NLGN1: variants seen among roughly 807,000 people sequenced by gnomAD.
NLGN1 encodes the protein neuroligin-1.
NLGN1 carries 12 observed loss-of-function variants against 65.5 expected under a neutral mutation model. That is an observed-to-expected ratio of 0.18 (90% CI 0.12 to 0.30). NLGN1 has a LOEUF of 0.30. Ranked by LOEUF, NLGN1 falls within the 10% of genes least tolerant of loss-of-function variation. The probability of loss-of-function intolerance (pLI) is 1.00; values close to 1 mark genes in which losing one functional copy is unlikely to be tolerated. For synonymous variants in NLGN1, 350 were observed against 359.5 expected (o/e 0.97, Z 0.30); for missense variants, 750 against 1,007.1 (o/e 0.74, Z 3.46).
intron 1 of NLGN1, among the ~76,000 whole-genome samples, chr3:173,427,011 G>C (rs1459807067): frequency 1.3e-5 from 2 of 151,802 alleles, no homozygotes; most frequent in Non-Finnish European, 2.9e-5. Context: ...TTACTTAATG[G>C]GCTGTCCAGT....
intron 4 of NLGN1, among the ~76,000 whole-genome samples, chr3:174,109,237 A>G (rs1340963686): frequency 6.6e-6 from 1 of 152,006 alleles, no homozygotes; most frequent in Non-Finnish European, 1.5e-5. Flanking sequence ...ATACTTTTGT[A>G]GTGATTTCTC....
chr3:173,941,868 A>G (rs1190472361), intron 4 of NLGN1, among the ~76,000 whole-genome samples: 1 of 151,828 alleles, frequency 6.6e-6, no homozygotes, highest in African/African-American at 2.4e-5. Flanking sequence ...ATCACATGCC[A>G]TCATGAGCTT....
chr3:173,598,794 G>A (rs542907482), intron 2 of NLGN1, among the ~76,000 whole-genome samples: 5 of 152,238 alleles, frequency 3.3e-5, no homozygotes, highest in Middle Eastern at 3.4e-3. Flanking sequence ...GAAGTTTCCT[G>A]GGATGTGCCA....
chr3:173,998,805 A>G (rs1402431790), intron 4 of NLGN1, among the ~76,000 whole-genome samples: 2 of 152,194 alleles, frequency 1.3e-5, no homozygotes, highest in Non-Finnish European at 2.9e-5. Flanking sequence ...CAAAGCTATC[A>G]ACCCCTGAAA....
At chr3:173,561,898 G>T (rs1742796834) in intron 2 of NLGN1, among the ~76,000 whole-genome samples, 1 of 152,156 alleles carries the variant, frequency 6.6e-6, no homozygotes, top group African/African-American at 2.4e-5. Context: ...TCTGCTGAAG[G>T]CTCGAAAACA....
At chr3:173,931,975 C>G (rs1013507877) in intron 4 of NLGN1, among the ~76,000 whole-genome samples, 1 of 152,038 alleles carries the variant, frequency 6.6e-6, no homozygotes, top group Non-Finnish European at 1.5e-5. Flanking sequence ...ATTAAGATGA[C>G]TTTAAGGTGT....
intron 3 of NLGN1, among the ~76,000 whole-genome samples, chr3:173,787,509 A>G (rs953499903): frequency 2.0e-5 from 3 of 152,214 alleles, no homozygotes; most frequent in Admixed American, 1.3e-4. Context: ...AGTATTAAAT[A>G]TGGTATCTTT....
chr3:173,468,062 T>C (rs1431086747), intron 2 of NLGN1, among the ~76,000 whole-genome samples: 3 of 152,164 alleles, frequency 2.0e-5, no homozygotes, highest in African/African-American at 7.2e-5. Context: ...CATACTATAC[T>C]GGTTCATGAT....
intron 4 of NLGN1, among the ~76,000 whole-genome samples, chr3:174,184,044 A>G (rs921436179): frequency 2.0e-5 from 3 of 152,214 alleles, no homozygotes; most frequent in African/African-American, 7.2e-5. Context: ...CCCACAACTC[A>G]TAAGAAAGCC....
At chr3:173,952,635 C>T (rs1483270895) in intron 4 of NLGN1, among the ~76,000 whole-genome samples, 2 of 152,096 alleles carry the variant, frequency 1.3e-5, no homozygotes, top group African/African-American at 4.8e-5. Flanking sequence ...TTTCAGAAAT[C>T]AGTCTATATG....
intron 4 of NLGN1, among the ~76,000 whole-genome samples, chr3:173,900,153 G>A (rs1737067588): frequency 1.3e-5 from 2 of 152,010 alleles, no homozygotes; most frequent in Admixed American, 1.3e-4. Context: ...AAAATAAAAA[G>A]AACTTATAAT....
At chr3:174,150,882 A>G (rs1229875571) in intron 4 of NLGN1, among the ~76,000 whole-genome samples, 2 of 152,096 alleles carry the variant, frequency 1.3e-5, no homozygotes, top group Non-Finnish European at 2.9e-5. Context: ...GTCCTGTAGC[A>G]TGCTGGTCAT....
chr3:173,671,346 A>G (rs1284960847), intron 3 of NLGN1, among the ~76,000 whole-genome samples: 1 of 152,096 alleles, frequency 6.6e-6, no homozygotes, highest in Non-Finnish European at 1.5e-5. Context: ...CATGAAATAT[A>G]AAAAATTAGT....
At chr3:174,239,114 A>G (rs1183068799) in intron 4 of NLGN1, among the ~76,000 whole-genome samples, 1 of 151,490 alleles carries the variant, frequency 6.6e-6, no homozygotes, top group Non-Finnish European at 1.5e-5. Flanking sequence ...CTTGTCACCC[A>G]GGCTGGAGTG....
intron 1 of NLGN1, among the ~76,000 whole-genome samples, chr3:173,418,455 T>C (rs1477691453): frequency 6.6e-6 from 1 of 152,154 alleles, no homozygotes; most frequent in East Asian, 1.9e-4. Context: ...ATAAAGGTCA[T>C]AGCCCAGTGA....
At chr3:173,865,223 T>C (rs1216502256) in intron 4 of NLGN1, among the ~76,000 whole-genome samples, 1 of 152,188 alleles carries the variant, frequency 6.6e-6, no homozygotes, top group Non-Finnish European at 1.5e-5. Flanking sequence ...AGGTGTTTTA[T>C]GTTTATTTCA....
intron 4 of NLGN1, among the ~76,000 whole-genome samples, chr3:173,881,424 T>C (rs912902303): frequency 2.4e-4 from 32 of 134,280 alleles, no homozygotes; most frequent in Non-Finnish European, 4.6e-4. Flanking sequence ...CACTCCTTTT[T>C]TTTTTTTTTT....
At chr3:173,437,759 A>G (rs1052549154) in intron 2 of NLGN1, among the ~76,000 whole-genome samples, 2 of 151,618 alleles carry the variant, frequency 1.3e-5, no homozygotes, top group Admixed American at 6.6e-5. Flanking sequence ...TGCTGCTGCC[A>G]TTACTTTCAC....
intron 2 of NLGN1, among the ~76,000 whole-genome samples, chr3:173,603,339 A>G (rs1750859186): frequency 6.6e-6 from 1 of 152,120 alleles, no homozygotes. Flanking sequence ...TTTAAGTTGA[A>G]CTGTGTAAAC....
Sources: allele counts gnomAD v4.1 joint callset (sites outside exome capture counted in the v4.1 genomes callset), GRCh38; gene constraint gnomAD v4.1.1; transcripts MANE v1.5; gene names NCBI Gene and HGNC (gene_info 2026-07-23, HGNC 2026-07-21).